NT5DC4: variants seen among roughly 807,000 people sequenced by gnomAD.
The protein encoded by NT5DC4 is 5'-nucleotidase domain-containing protein 4.
In NT5DC4, 44 loss-of-function variants were observed where a neutral mutation model predicts 26.6. The ratio of observed to expected loss-of-function variants is 1.65; its 90% CI spans 1.30 to 2.13. The LOEUF (loss-of-function observed/expected upper bound fraction) is 2.13. NT5DC4 is among the 30% of genes most tolerant of loss of function. The pLI, the probability that NT5DC4 is intolerant of heterozygous loss-of-function variation, is 0.00. For missense variants in NT5DC4, 399 were observed against 228.1 expected (o/e 1.75, Z -4.83); for synonymous variants, 157 against 86.7 (o/e 1.81, Z -4.51).
At chr2:112,728,246 C>G (rs1678013202) in intron 15 of NT5DC4, among the ~76,000 whole-genome samples, 1 of 152,238 alleles carries the variant, frequency 6.6e-6, no homozygotes, top group Admixed American at 6.5e-5. Context: ...ACTATCTCGT[C>G]ATTTCCTTGG....
chr2:112,735,089 G>C (rs1355778208), intron 16 of NT5DC4, among the ~76,000 whole-genome samples: 1 of 137,980 alleles, frequency 7.2e-6, no homozygotes, highest in South Asian at 2.4e-4. Context: ...TGTCACCCAG[G>C]CTGGGATGCA....
intron 16 of NT5DC4, 22 bp downstream of exon 16, chr2:112,729,726 A>ACTC (rs1305074190): frequency 1.4e-6 from 1 of 717,178 alleles, no homozygotes; most frequent in Admixed American, 2.0e-5. Flanking sequence ...TGGCCGACGA[A>ACTC]CTCTGTGGCT....
upstream of NT5DC4, among the ~76,000 whole-genome samples, chr2:112,719,335 C>A (rs1676618653): frequency 6.6e-6 from 1 of 152,176 alleles, no homozygotes; most frequent in South Asian, 2.1e-4. Flanking sequence ...GCTCACCTGG[C>A]TTTGTCAAGG....
Position 112,723,773 on chromosome 2 carries a change from GCCA to G in NT5DC4, c.731_733del (p.Thr244del), listed in dbSNP as rs1256094330. 1 of 716,388 alleles carries G rather than the reference GCCA, an allele frequency of 1.4e-6. No individual in the cohort carries two copies. The highest frequency in any genetic ancestry group is 1.5e-5 in the South Asian group (1 of 67,580). 44.4% of individuals were successfully genotyped at this position (716,388 alleles called of 1,614,324 possible). A position where few individuals can be genotyped will look rare whatever the true frequency, so the allele number is the denominator to read the frequency against. On this transcript the variant is annotated inframe_deletion, in exon 9 of 17. Coordinates refer to ENST00000688554, the MANE Select transcript of NT5DC4 (RefSeq NM_001393655.1). Reference sequence around the variant, plus strand: ...GAAGGAGGTTGGGAAAGTGTTTCTGGCCACCAACAGCAGCTACAACTACACCAA... The same window carrying G: ...GAAGGAGGTTGGGAAAGTGTTTCTGGCCAACAGCAGCTACAACTACACCAA...
At chr2:112,722,623 C>T in intron 5 of NT5DC4, 34 bp downstream of exon 5, 1 of 717,470 alleles carries the variant, frequency 1.4e-6, no homozygotes. Context: ...GGAGGTGGTC[C>T]TGAGTTCCGG....
downstream of NT5DC4, among the ~76,000 whole-genome samples, chr2:112,741,940 GTTTT>G (rs57634251): frequency 0.016 from 1,145 of 71,902 alleles, 26 homozygotes; most frequent in African/African-American, 0.061. Context: ...TTTCTTTTCT[GTTTT>G]TTTTTTTTTT....
At chr2:112,726,986 A>AG (rs1266249191) in intron 15 of NT5DC4, 1 of 556,126 alleles carries the variant, frequency 1.8e-6, no homozygotes, top group Non-Finnish European at 3.2e-6. Flanking sequence ...CCAGTCCCAC[A>AG]GTCTTTGCCA....
At chr2:112,730,774 G>A (rs571697126) in intron 16 of NT5DC4, among the ~76,000 whole-genome samples, 7 of 152,230 alleles carry the variant, frequency 4.6e-5, no homozygotes, top group South Asian at 2.1e-4. Flanking sequence ...CCTGTGTGCC[G>A]GGCAGTTTAG....
intron 13 of NT5DC4, among the ~76,000 whole-genome samples, 150 bp from the exon 14 acceptor site, chr2:112,726,086 CAG>C (rs1677672303): frequency 6.6e-6 from 1 of 152,146 alleles, no homozygotes; most frequent in Admixed American, 6.5e-5. Context: ...TCAGTCTGGG[CAG>C]AGTCTCACGT....
chr2:112,735,323 C>T (rs1678996446), intron 16 of NT5DC4, among the ~76,000 whole-genome samples: 2 of 152,122 alleles, frequency 1.3e-5, no homozygotes, highest in African/African-American at 4.8e-5. Flanking sequence ...GGATTACAGG[C>T]ATGAGCCACC....
chr2:112,726,388 T>G (rs1040841550), intron 14 of NT5DC4, 99 bp downstream of exon 14: 1 of 702,402 alleles, frequency 1.4e-6, no homozygotes, highest in Non-Finnish European at 2.6e-6. Flanking sequence ...CGGCCAAGGT[T>G]GTCAGAACAT....
intron 2 of NT5DC4, 26 bp from the exon 3 acceptor site, chr2:112,721,960 C>T: frequency 1.4e-6 from 1 of 717,314 alleles, no homozygotes; most frequent in Non-Finnish European, 2.6e-6. Context: ...GGCACCAAAG[C>T]CCTGATTCTG....
chr2:112,739,157 G>C, downstream of NT5DC4: 1 of 848,134 alleles, frequency 1.2e-6, no homozygotes, highest in Non-Finnish European at 1.8e-6. Flanking sequence ...TTTAACATAG[G>C]GTGATACAAG....
intron 1 of NT5DC4, 46 bp from the exon 2 acceptor site, chr2:112,721,772 T>TGG (rs1308728620): frequency 1.4e-6 from 1 of 716,950 alleles, no homozygotes. Flanking sequence ...CCTTGGATTC[T>TGG]GGGGGGCTGG....
chr2:112,742,784 G>A (rs965630718), downstream of NT5DC4: 69 of 1,587,728 alleles, frequency 4.3e-5, no homozygotes, highest in Non-Finnish European at 5.7e-5. Context: ...AAGGAAGGAA[G>A]AAAACATACA....
chr2:112,738,987 TCGA>T lies in NT5DC4; in HGVS notation c.*55_*57del. The T allele has an allele frequency of 6.2e-7, 1 of 1,614,214 alleles. No individual in the cohort carries two copies. ...TAGCGGGACACTGCTCGCTCAATCC[TCGA>T]CGAACGCCGTACAGGAGTGATAAAT... is the stretch of plus-strand genomic sequence containing the variant. On this transcript the variant is annotated 3_prime_UTR_variant, in exon 17 of 17. Transcript: ENST00000688554.
At chr2:112,727,673 G>C (rs1308793439) in intron 15 of NT5DC4, among the ~76,000 whole-genome samples, 1 of 152,212 alleles carries the variant, frequency 6.6e-6, no homozygotes, top group Non-Finnish European at 1.5e-5. Context: ...TTCCTACAGA[G>C]AGTCACAGGT....
At chr2:112,722,345 CAGAG>C (rs1677000615) in intron 4 of NT5DC4, 67 bp downstream of exon 4, 1 of 714,266 alleles carries the variant, frequency 1.4e-6, no homozygotes, top group Non-Finnish European at 2.6e-6. Context: ...TGGGGGAGGA[CAGAG>C]GGAGGGAGGG....
chr2:112,725,427 A>G lies in NT5DC4; in HGVS notation c.1028A>G (p.Asp343Gly), dbSNP rs1221394060. The change falls in exon 13 of 17, where the codon GAC becomes GGC. Residue 343 changes from aspartate (D) to glycine (G), a missense_variant. Physicochemically the swap from Asp to Gly is moderately conservative, Grantham distance 94. Coordinates refer to ENST00000688554, the MANE Select transcript of NT5DC4 (RefSeq NM_001393655.1). ...VCELLGVRGM[D>G]ILYIGDHIFG... ...GAGCTGCTTGGGGTTCGGGGGATGG[A>G]CATCCTGTACATTGGGGACCACATT... is the stretch of plus-strand genomic sequence containing the variant. 4 of 716,344 alleles carry G rather than the reference A, an allele frequency of 5.6e-6. No individual in the cohort carries two copies. In the Admixed American group the frequency reaches 8.0e-5, roughly 14 times the overall value. 44.4% of individuals were successfully genotyped at this position (716,344 alleles called of 1,614,324 possible).
Sources: gnomAD v4.1 joint callset for allele counts (sites outside exome capture counted in the v4.1 genomes callset) on GRCh38, gnomAD v4.1.1 for gene constraint, MANE v1.5 for transcripts, NCBI Gene and HGNC (gene_info 2026-07-23, HGNC 2026-07-21) for gene names.